Variants in MYH11 observed in about 807,000 individuals in gnomAD.
The protein encoded by MYH11 is myosin-11.
A neutral mutation model predicts 246.6 loss-of-function variants in MYH11; 80 were observed. The ratio of observed to expected loss-of-function variants is 0.32; its 90% CI spans 0.27 to 0.39. MYH11 has a LOEUF of 0.39. Among genes scored for constraint, MYH11 ranks in the 10% least tolerant of loss-of-function variants. MYH11 has a pLI of 1.00. For missense variants in MYH11, 2,158 were observed against 2,546.8 expected, an observed-to-expected ratio of 0.85 and a Z score of 3.29; for synonymous variants, 1,071 against 1,015.5, an observed-to-expected ratio of 1.05 and a Z score of -1.04.
chr16:15,716,955 A>G (rs540841664), intron 38 of MYH11, among the ~76,000 whole-genome samples, 185 bp downstream of exon 38: 23 of 152,360 alleles, frequency 1.5e-4, no homozygotes, highest in African/African-American at 2.2e-4. Flanking sequence ...GCCCTAGGCC[A>G]GGAACCAGCA....
intron 35 of MYH11, 41 bp from the exon 36 acceptor site, chr16:15,719,349 G>A (rs1377915906): frequency 6.3e-7 from 1 of 1,594,732 alleles, no homozygotes; most frequent in Admixed American, 1.7e-5. Context: ...CCAGGGAAAG[G>A]CCAAGCCCCA....
chr16:15,738,522 T>TAATAA, intron 24 of MYH11, 43 bp downstream of exon 24: 1 of 1,558,490 alleles, frequency 6.4e-7, no homozygotes, highest in South Asian at 1.2e-5. Context: ...CTAAAAAAAA[T>TAATAA]AATAAAATAA....
intron 13 of MYH11, among the ~76,000 whole-genome samples, chr16:15,756,876 G>A (rs894723189): frequency 7.1e-6 from 1 of 140,446 alleles, no homozygotes; most frequent in Non-Finnish European, 1.5e-5. Context: ...TCGACTCACT[G>A]CAAGCTCCGC....
At chr16:15,827,929 C>G (rs1186246547) in intron 2 of MYH11, among the ~76,000 whole-genome samples, 1 of 152,190 alleles carries the variant, frequency 6.6e-6, no homozygotes, top group Non-Finnish European at 1.5e-5. Flanking sequence ...GTCAATCAAG[C>G]CCCACCCTCC....
chr16:15,750,272 C>T lies in MYH11; in HGVS notation c.1924G>A (p.Ala642Thr), dbSNP rs371750065. The change falls in exon 16 of 41, where the codon GCC becomes ACC. Residue 642 changes from alanine to threonine, a missense_variant. Coordinates refer to ENST00000300036, the MANE Select transcript of MYH11 (RefSeq NM_002474.3). This position sits in a 1 kb window ranked among gnomAD's most constrained non-coding sequence, Gnocchi z 4.3. ...AACATGCCCTTCTTGGTCTTGGAGGCGCTGGGCAGCGAGCTCTCCGTCATC... is the reference window on the plus strand; with the variant it reads ...AACATGCCCTTCTTGGTCTTGGAGGTGCTGGGCAGCGAGCTCTCCGTCATC... ...AKMTESSLPSASKTKKGMFRT... is the reference protein window; with the variant it reads ...AKMTESSLPSTSKTKKGMFRT... 9 of 1,613,908 alleles carry T rather than the reference C, an allele frequency of 5.6e-6. No individual in the cohort carries two copies. The highest frequency in any genetic ancestry group is 1.6e-4 in the Middle Eastern group (1 of 6,084).
chr16:15,788,796 ATATGTGTGTGTGTGTGTG>A (rs1164796199), intron 4 of MYH11, among the ~76,000 whole-genome samples: 9 of 94,946 alleles, frequency 9.5e-5, no homozygotes, highest in African/African-American at 2.8e-4. Context: ...AGACCAGAAT[ATATGTGTGTGTGTGTGTG>A]TGTGTGTGTG....
chr16:15,770,536 T>C (rs918373279), intron 9 of MYH11, among the ~76,000 whole-genome samples: 2 of 152,196 alleles, frequency 1.3e-5, no homozygotes, highest in Admixed American at 6.5e-5. Flanking sequence ...TGGATGATTT[T>C]GATCAATATC....
chr16:15,771,930 C>G (rs893225003), intron 8 of MYH11, among the ~76,000 whole-genome samples: 7 of 151,912 alleles, frequency 4.6e-5, no homozygotes, highest in African/African-American at 1.5e-4. Context: ...GTGACTGCAG[C>G]TGATATCCAG....
In MYH11 at chr16:15,711,548, T is replaced by C. The variant is rs904722558; in HGVS notation, c.5786+3361A>G. ...GTTTATTTGCCGTTATATTCATGTATGATTAAAACTGTTAAAAGATCAAGT... is the reference window on the plus strand; with the variant it reads ...GTTTATTTGCCGTTATATTCATGTACGATTAAAACTGTTAAAAGATCAAGT... On this transcript the variant is annotated intron_variant, in intron 40 of 40. Transcript: ENST00000300036. Among the ~76,000 whole-genome samples, 3 of 152,208 alleles carry C rather than the reference T, an allele frequency of 2.0e-5. No homozygotes were observed. The South Asian group carries it at 6.2e-4, about 31-fold the overall frequency.
chr16:15,753,627 G>A (rs371583960), intron 14 of MYH11, 119 bp from the exon 15 acceptor site: 33 of 792,178 alleles, frequency 4.2e-5, no homozygotes, highest in South Asian at 2.0e-4. Context: ...AGGAAATGAC[G>A]TTTATGACCA....
intron 40 of MYH11, among the ~76,000 whole-genome samples, chr16:15,708,261 A>G (rs959811744): frequency 1.3e-5 from 2 of 152,200 alleles, no homozygotes; most frequent in South Asian, 2.1e-4. Context: ...CAAGCCTGTG[A>G]AAGCTGAATC....
At chr16:15,852,114 G>A (rs901101894) in intron 1 of MYH11, among the ~76,000 whole-genome samples, 3 of 152,204 alleles carry the variant, frequency 2.0e-5, no homozygotes, top group African/African-American at 7.2e-5. Flanking sequence ...TTTCACAGAA[G>A]CACAAACCCT....
intron 2 of MYH11, among the ~76,000 whole-genome samples, chr16:15,826,600 G>GAAAAAA (rs764732587): frequency 2.7e-5 from 4 of 150,260 alleles, no homozygotes; most frequent in African/African-American, 9.9e-5. Flanking sequence ...AAAAGAAAAA[G>GAAAAAA]AAAGAAAAAG....
intron 40 of MYH11, among the ~76,000 whole-genome samples, chr16:15,709,185 C>T (rs1211973889): frequency 6.6e-6 from 1 of 152,052 alleles, no homozygotes; most frequent in Non-Finnish European, 1.5e-5. Context: ...CAATGATCTT[C>T]CTGCCTTGGC....
rs1433745376 is a variant in MYH11 at position 15,741,512 on chromosome 16, C to T, written c.2810G>A (p.Arg937Lys). ...CCTTTCAGCCTGTAGCTGCTGGCCCCTGTCTTCCTCCTCCTCCAGGCGGGC... is the reference window on the plus strand; with the variant it reads ...CCTTTCAGCCTGTAGCTGCTGGCCCTTGTCTTCCTCCTCCTCCAGGCGGGC... ...MEARLEEEED[R>K]GQQLQAERKK... The change falls in exon 22 of 41, where the codon AGG becomes AAG. Residue 937 changes from arginine to lysine, a missense_variant. By Grantham distance (26) the Arg-to-Lys change is conservative. This residue lies in a region of MYH11 where 284 missense variants were observed against 315.4 expected (regional missense o/e 0.90). Transcript: ENST00000300036. The T allele has an allele frequency of 6.2e-7, 1 of 1,609,464 alleles. No homozygotes were observed. The highest frequency in any genetic ancestry group is 1.7e-5 in the Admixed American group (1 of 60,006).
intron 27 of MYH11, among the ~76,000 whole-genome samples, chr16:15,732,208 C>A (rs995231265): frequency 6.6e-6 from 1 of 152,116 alleles, no homozygotes; most frequent in Non-Finnish European, 1.5e-5. Context: ...GGTGATCCAC[C>A]CAGTTTGGCC....
chr16:15,751,609 CTTTTTTTTTTTTT>C (rs34772774), intron 15 of MYH11, among the ~76,000 whole-genome samples: 1 of 116,338 alleles, frequency 8.6e-6, no homozygotes, highest in Non-Finnish European at 1.7e-5. Context: ...GTGTAACAAT[CTTTTTTTTTTTTT>C]TTTTTTTTTG....
intron 27 of MYH11, among the ~76,000 whole-genome samples, chr16:15,730,550 TAAAC>T (rs1387459030): frequency 6.6e-6 from 1 of 151,754 alleles, no homozygotes; most frequent in African/African-American, 2.4e-5. Context: ...GCTCAAAAAA[TAAAC>T]AAATAATCCA....
At chr16:15,713,597 C>A (rs114154796) in intron 40 of MYH11, 4,090 of 152,102 alleles carry the variant, frequency 0.027, 181 homozygotes, top group African/African-American at 0.094. Context: ...TGGGGCTCCA[C>A]TGATCGTCCC....
Sources: allele counts gnomAD v4.1 joint callset (sites outside exome capture counted in the v4.1 genomes callset), GRCh38; gene constraint gnomAD v4.1.1; regional missense constraint gnomAD v4.1.1; non-coding constraint Gnocchi (gnomAD v3.1); transcripts MANE v1.5; gene names NCBI Gene and HGNC (gene_info 2026-07-23, HGNC 2026-07-21).